Variants in PDIA6 observed in about 807,000 individuals in gnomAD.
PDIA6 encodes protein disulfide isomerase family A member 6.
In PDIA6, 29 loss-of-function variants were observed where a neutral mutation model predicts 58.4. That is an observed-to-expected ratio of 0.50 (90% CI 0.37 to 0.68). PDIA6 has a LOEUF of 0.68. PDIA6 is among the 30% of genes least tolerant of loss of function. The pLI, the probability that PDIA6 is intolerant of heterozygous loss-of-function variation, is 0.00. For missense variants in PDIA6, 480 were observed against 551.0 expected (o/e 0.87, Z 1.29); for synonymous variants, 192 against 202.6 (o/e 0.95, Z 0.44).
chr2:10,793,790 A>G (rs1666144447), intron 4 of PDIA6, among the ~76,000 whole-genome samples: 1 of 152,252 alleles, frequency 6.6e-6, no homozygotes, highest in Non-Finnish European at 1.5e-5. Flanking sequence ...CTTAATATCT[A>G]GCTGAGAAAG....
chr2:10,823,309 G>T (rs957818784), intron 1 of PDIA6: 4 of 152,200 alleles, frequency 2.6e-5, no homozygotes, highest in African/African-American at 9.7e-5. Context: ...TCTTTGTCAG[G>T]CCTCTAGCCT....
At chr2:10,789,980 A>ATTT (rs199881762) in intron 7 of PDIA6, 91 bp from the exon 8 acceptor site, 40 of 827,256 alleles carry the variant, frequency 4.8e-5, no homozygotes, top group African/African-American at 9.2e-5. Context: ...CTTATAGGTA[A>ATTT]TTTTTTTTTT....
At chr2:10,799,568 C>G (rs1041583202) in intron 2 of PDIA6, among the ~76,000 whole-genome samples, 1 of 152,190 alleles carries the variant, frequency 6.6e-6, no homozygotes, top group East Asian at 1.9e-4. Flanking sequence ...GGGGCCTAAA[C>G]TCAATCCCAG....
chr2:10,830,832 G>C (rs533512650), intron 1 of PDIA6, among the ~76,000 whole-genome samples: 172 of 152,314 alleles, frequency 1.1e-3, no homozygotes, highest in African/African-American at 4.1e-3. Context: ...AGGTCTGCCT[G>C]GTGCCACCCC....
upstream of PDIA6, among the ~76,000 whole-genome samples, chr2:10,814,131 A>G (rs1427768785): frequency 2.0e-5 from 3 of 152,104 alleles, no homozygotes; most frequent in African/African-American, 7.2e-5. Flanking sequence ...TGTATTAGTA[A>G]TTTCTCCATA....
At chr2:10,819,263 C>G in intron 2 of PDIA6, 1 of 1,490,284 alleles carries the variant, frequency 6.7e-7, no homozygotes, top group South Asian at 1.2e-5. Context: ...CTGGGAGTTT[C>G]CTCTACTTAC....
chr2:10,800,043 C>T (rs1468702345), intron 2 of PDIA6, among the ~76,000 whole-genome samples: 1 of 152,172 alleles, frequency 6.6e-6, no homozygotes, highest in African/African-American at 2.4e-5. Context: ...TTTAGAATTT[C>T]CTTACGAATG....
chr2:10,826,507 C>T (rs1040840373), intron 1 of PDIA6, among the ~76,000 whole-genome samples: 1 of 152,058 alleles, frequency 6.6e-6, no homozygotes, highest in Admixed American at 6.6e-5. Flanking sequence ...TTACAGGCGC[C>T]TGCCACCACA....
At position 10,791,793 on chromosome 2, in the gene PDIA6, A is replaced by G; in HGVS notation, c.584+2T>C. ...ACAGACTACTTAGTAGAAGGCACTT[A>G]CTTTTTGCAGTGTCCACACCAAGGA... On this transcript the variant is annotated splice_donor_variant, in intron 6 of 12. Coordinates refer to ENST00000272227, the MANE Select transcript of PDIA6 (RefSeq NM_005742.4). LOFTEE classifies it high-confidence loss of function. 6.2e-7 allele frequency: 1 copy of G among 1,612,046 alleles called. No individual in the cohort carries two copies. The highest frequency in any genetic ancestry group is 8.5e-7 in the Non-Finnish European group (1 of 1,179,392).
intron 1 of PDIA6, among the ~76,000 whole-genome samples, chr2:10,806,592 C>G (rs979137813): frequency 1.1e-5 from 1 of 92,872 alleles, no homozygotes; most frequent in East Asian, 3.5e-4. Flanking sequence ...CTGGCCAACA[C>G]AGAATAGCAA....
chr2:10,791,113 A>AT (rs1398851144), intron 6 of PDIA6, among the ~76,000 whole-genome samples: 1 of 149,922 alleles, frequency 6.7e-6, no homozygotes, highest in African/African-American at 2.5e-5. Flanking sequence ...AAATACTTGC[A>AT]TTTTAACTTG....
chr2:10,795,354 G>A (rs1363507441), intron 4 of PDIA6, among the ~76,000 whole-genome samples: 1 of 152,060 alleles, frequency 6.6e-6, no homozygotes, highest in Non-Finnish European at 1.5e-5. Context: ...TCATAAGTGA[G>A]GAAAACTAAA....
intron 1 of PDIA6, among the ~76,000 whole-genome samples, chr2:10,826,609 C>A (rs970777396): frequency 6.6e-6 from 1 of 152,194 alleles, no homozygotes; most frequent in African/African-American, 2.4e-5. Flanking sequence ...ATCTGCTTGC[C>A]TCAGCCTCCC....
At chr2:10,829,287 C>T (rs1667640222) in intron 1 of PDIA6, among the ~76,000 whole-genome samples, 1 of 152,190 alleles carries the variant, frequency 6.6e-6, no homozygotes, top group Non-Finnish European at 1.5e-5. Context: ...TGGACACCTC[C>T]CGCCCCCAGG....
rs558558862 is a variant in PDIA6, at chr2:10,810,349, C to T, written c.19+2329G>A. 139 of 1,517,670 alleles carry T rather than the reference C, an allele frequency of 9.2e-5. 1 individual carries two copies. The South Asian group carries it at 1.3e-3, about 14-fold the overall frequency. 94.0% of individuals were successfully genotyped at this position (1,517,670 alleles called of 1,614,324 possible). ...AGGTAGACTGTGGCAGAATTAGGTA[C>T]TTTCACTTCTCTTTGCCAATCAAGG... On this transcript the variant is annotated intron_variant, in intron 1 of 12. Coordinates refer to ENST00000272227, the MANE Select transcript of PDIA6 (RefSeq NM_005742.4).
chr2:10,834,742 CCTT>C (rs1667792432), upstream of PDIA6, among the ~76,000 whole-genome samples: 1 of 32,744 alleles, frequency 3.1e-5, no homozygotes, highest in Non-Finnish European at 6.2e-5. Flanking sequence ...CTCCTTCCTT[CCTT>C]CCTTCCTTCC....
chr2:10,833,347 G>C (rs1437551588), upstream of PDIA6, among the ~76,000 whole-genome samples: 1 of 152,150 alleles, frequency 6.6e-6, no homozygotes, highest in Non-Finnish European at 1.5e-5. Context: ...TTCCCGTTTG[G>C]AATTTCCCGA....
rs757056543 is a variant in PDIA6, at chr2:10,788,936, G to A, written c.886C>T (p.Leu296Phe). ...IAKRTCEEHQ[L>F]CVVAVLPHIL... ...TGGGGCAGCACAGCCACAACACAGA[G>A]CTGGTGCTCCTCACACGTCCTCTTG... Residue 296 changes from leucine to phenylalanine, a missense_variant, in exon 9 of 13, where the codon CTC (leucine) becomes TTC (phenylalanine). Coordinates refer to ENST00000272227, the MANE Select transcript of PDIA6 (RefSeq NM_005742.4). 3.7e-6 allele frequency: 6 copies of A among 1,613,940 alleles called. No individual in the cohort carries two copies. Among genetic ancestry groups the A allele is most frequent in the African/African-American group, 1.3e-5 (1 of 74,912 alleles).
chr2:10,790,726 C>G lies in PDIA6; in HGVS notation c.692G>C (p.Arg231Pro). 6.2e-7 allele frequency: 1 copy of G among 1,609,838 alleles called. No individual in the cohort carries two copies. Among genetic ancestry groups the G allele is most frequent in the Non-Finnish European group, 8.5e-7 (1 of 1,176,064 alleles). ...DATVNQVLAS[R>P]YGIRGFPTIK... ...CCTTATAAGTATACTCACCCCGTAT[C>G]GGGAGGCCAGAACCTGATTGACTGT... Residue 231 changes from arginine to proline, a missense_variant, in exon 7 of 13, where the codon CGA becomes CCA. Transcript: ENST00000272227.
Sources: allele counts gnomAD v4.1 joint callset (sites outside exome capture counted in the v4.1 genomes callset), GRCh38; gene constraint gnomAD v4.1.1; transcripts MANE v1.5; gene names NCBI Gene and HGNC (gene_info 2026-07-23, HGNC 2026-07-21).